Variants in C1RL observed in about 807,000 individuals in gnomAD.
C1RL encodes the protein complement C1r subcomponent like.
C1RL carries 27 observed loss-of-function variants against 27.9 expected under a neutral mutation model. That is an observed-to-expected ratio of 0.97 (90% CI 0.71 to 1.33). The LOEUF (loss-of-function observed/expected upper bound fraction) is 1.33. Among genes scored for constraint, C1RL ranks in the 40% most tolerant of loss-of-function variants. C1RL has a pLI of 0.00. For synonymous variants in C1RL, 248 were observed against 252.1 expected, an observed-to-expected ratio of 0.98 and a Z score of 0.15; for missense variants, 563 against 623.9, an observed-to-expected ratio of 0.90 and a Z score of 1.04.
Position 7,108,481 on chromosome 12 carries a change from T to C in C1RL, c.72-2A>G. 1 of 1,581,958 alleles carries C rather than the reference T, an allele frequency of 6.3e-7. No homozygotes were observed. Among genetic ancestry groups the C allele is most frequent in the South Asian group, 1.1e-5 (1 of 87,332 alleles). ...ACTCCCCAGAGAAGCAGCCACCACC[T>C]GTGAGTTGGGGGGAGGGCAAGGTGG... On this transcript the variant is annotated splice_acceptor_variant, in intron 1 of 5. Coordinates refer to ENST00000266542, the MANE Select transcript of C1RL (RefSeq NM_016546.4). LOFTEE classifies it high-confidence loss of function.
At position 7,096,159 on chromosome 12, in the gene C1RL, AG is replaced by A. The variant is rs766090315; in HGVS notation, c.*231del. ...CTAGTGCATGAGCACAGGGAGGTAG[AG>A]GGTGAGGAGGAGCGGTCTGTGGGAC... On this transcript the variant is annotated 3_prime_UTR_variant, in exon 6 of 6. Transcript: ENST00000266542. 2.6e-4 allele frequency: 350 copies of A among 1,324,898 alleles called. 4 individuals are homozygous for A. In the East Asian group the frequency reaches 8.0e-3, roughly 30 times the overall value. The allele number at this position is 1,324,898 out of a possible 1,614,324, so 82.1% of individuals were successfully genotyped here.
chr12:7,106,072 T>G (rs1938756656), intron 2 of C1RL, among the ~76,000 whole-genome samples: 1 of 152,148 alleles, frequency 6.6e-6, no homozygotes. Context: ...GGCTCTAGAT[T>G]AAAAGAAATC....
intron 2 of C1RL, among the ~76,000 whole-genome samples, chr12:7,102,649 C>A (rs1240479276): frequency 6.6e-6 from 1 of 152,198 alleles, no homozygotes; most frequent in African/African-American, 2.4e-5. Flanking sequence ...GGGTCCCTGC[C>A]TTTTCCTGCT....
rs1051317100 is a variant in C1RL, at chr12:7,097,055, C to T, written c.800G>A (p.Arg267His). ...GTCCCCCAGCAGGGCCCCGCCCCCA[C>T]GGCCGTGGATACTGGTGAAGGCTTG... ...PWQAFTSIHG[R>H]GGGALLGDRW... Residue 267 changes from arginine (R) to histidine (H), a missense_variant, in exon 6 of 6, where the codon CGT becomes CAT. Transcript: ENST00000266542. 29 of 1,614,134 alleles carry T rather than the reference C, an allele frequency of 1.8e-5. No individual in the cohort carries two copies. The highest frequency in any genetic ancestry group is 4.4e-5 in the South Asian group (4 of 91,088).
chr12:7,095,378 T>C lies in C1RL; in HGVS notation c.*1013A>G. The C allele has an allele frequency of 1.1e-5, 11 of 1,020,616 alleles. No homozygotes were observed. Among genetic ancestry groups the C allele is most frequent in the Non-Finnish European group, 1.3e-5 (11 of 847,688 alleles). The allele number at this position is 1,020,616 out of a possible 1,614,324, so 63.2% of individuals were successfully genotyped here. On this transcript the variant is annotated 3_prime_UTR_variant, in exon 6 of 6. Coordinates refer to ENST00000266542, the MANE Select transcript of C1RL (RefSeq NM_016546.4). The stretch of plus-strand genomic sequence containing the variant: ...ATCCACCCACCTCGGACTCCTAAGG[T>C]GTTGGGATTACAGGCGTGAGCCACT...
rs770724397 is a variant in C1RL, at chr12:7,096,794, T to C, written c.1061A>G (p.Asn354Ser). 2.7e-5 allele frequency: 43 copies of C among 1,605,308 alleles called. No individual in the cohort carries two copies. Among genetic ancestry groups the C allele is most frequent in the Non-Finnish European group, 3.4e-5 (40 of 1,175,234 alleles). Residue 354 changes from asparagine to serine, a missense_variant, in exon 6 of 6, where the codon AAC (asparagine) becomes AGC (serine). By Grantham distance (46) the Asn-to-Ser change is conservative. Coordinates refer to ENST00000266542, the MANE Select transcript of C1RL (RefSeq NM_016546.4). ...ATCGGGCAGACAGACCGGGAGGACG[T>C]TGGGGCCCAGGGGGATGCTGTGCTG... ...ELQHSIPLGPNVLPVCLPDNE... is the reference protein window; with the variant it reads ...ELQHSIPLGPSVLPVCLPDNE...
rs771036198 is a variant in C1RL at position 7,105,606 on chromosome 12, C to T, written c.300+2645G>A. Among the ~76,000 whole-genome samples, 65 of 152,122 alleles carry T rather than the reference C, an allele frequency of 4.3e-4. No homozygotes were observed. The Middle Eastern group carries it at 0.024, about 56-fold the overall frequency. On this transcript the variant is annotated intron_variant, in intron 2 of 5. Coordinates refer to ENST00000266542, the MANE Select transcript of C1RL (RefSeq NM_016546.4). Reference sequence around the variant, plus strand: ...TGGACAGCCAAGTATTATCAGATATCGTAGGAAAGTCTCTAACACAAAAAG... The same window carrying T: ...TGGACAGCCAAGTATTATCAGATATTGTAGGAAAGTCTCTAACACAAAAAG...
chr12:7,097,209 G>C, intron 5 of C1RL, 46 bp from the exon 6 acceptor site: 1 of 1,523,506 alleles, frequency 6.6e-7, no homozygotes, highest in Non-Finnish European at 8.9e-7. Context: ...GCTGCATCTA[G>C]ACACACTGAT....
chr12:7,109,166 T>A lies in C1RL; in HGVS notation c.15A>T (p.Arg5Ser). 1.9e-6 allele frequency: 3 copies of A among 1,601,434 alleles called. No homozygotes were observed. The highest frequency in any genetic ancestry group is 2.6e-6 in the Non-Finnish European group (3 of 1,173,474). The change falls in exon 1 of 6, where the codon AGA (arginine) becomes AGT (serine). Residue 5 changes from arginine (R) to serine (S), a missense_variant. Coordinates refer to ENST00000266542, the MANE Select transcript of C1RL (RefSeq NM_016546.4). ...TTCTCCAGAGATATTTCCCCCACAC[T>A]CTGGGTCCAGGCATCTGGAACTGGA... MPGP[R>S]VWGKYLWRSP...
At chr12:7,097,856 G>A (rs1194663473) in intron 5 of C1RL, among the ~76,000 whole-genome samples, 1 of 152,162 alleles carries the variant, frequency 6.6e-6, no homozygotes, top group Non-Finnish European at 1.5e-5. Context: ...CCTCAGTTTT[G>A]TGTCACTTCC....
At chr12:7,108,504 TG>T in intron 1 of C1RL, 25 bp from the exon 2 acceptor site, 1 of 1,548,178 alleles carries the variant, frequency 6.5e-7, no homozygotes, top group Non-Finnish European at 8.8e-7. Flanking sequence ...GAGGGCAAGG[TG>T]GGGCCGCGCA....
Position 7,104,407 on chromosome 12 carries a change from C to T in C1RL, c.301-2320G>A, listed in dbSNP as rs903145026. Among the ~76,000 whole-genome samples, 3 of 152,220 alleles carry T rather than the reference C, an allele frequency of 2.0e-5. No individual in the cohort carries two copies. The highest frequency in any genetic ancestry group is 2.0e-4 in the Admixed American group (3 of 15,284). On this transcript the variant is annotated intron_variant, in intron 2 of 5. Coordinates refer to ENST00000266542, the MANE Select transcript of C1RL (RefSeq NM_016546.4). The surrounding 1 kb of genome is among the most constrained non-coding windows in gnomAD (Gnocchi z 5.4). ...GCAGCAGGTCCATGAATAACATCGTCGTTTCATTATGACGTTGACGAGAAA... is the reference window on the plus strand; with the variant it reads ...GCAGCAGGTCCATGAATAACATCGTTGTTTCATTATGACGTTGACGAGAAA...
chr12:7,099,301 TA>T, intron 5 of C1RL: 1 of 181,168 alleles, frequency 5.5e-6, no homozygotes, highest in Non-Finnish European at 1.0e-5. Flanking sequence ...TAATTTTTTT[TA>T]AAATGGTTGA....
chr12:7,096,172 G>A lies in C1RL; in HGVS notation c.*219C>T, dbSNP rs1938418255. On this transcript the variant is annotated 3_prime_UTR_variant, in exon 6 of 6. Coordinates refer to ENST00000266542, the MANE Select transcript of C1RL (RefSeq NM_016546.4). ...ACAGGGAGGTAGAGGGTGAGGAGGA[G>A]CGGTCTGTGGGACTCTGCTTCCTGT... is the stretch of plus-strand genomic sequence containing the variant. The A allele has an allele frequency of 7.4e-7, 1 of 1,345,842 alleles. No homozygotes were observed. Among genetic ancestry groups the A allele is most frequent in the African/African-American group, 1.5e-5 (1 of 67,498 alleles). 83.4% of individuals were successfully genotyped at this position (1,345,842 alleles called of 1,614,324 possible).
At position 7,094,893 on chromosome 12, in the gene C1RL, TA is replaced by T; in HGVS notation, c.*1497del. The stretch of plus-strand genomic sequence containing the variant: ...TGCACCTGCCTTTTGGGAATATTTT[TA>T]ATAATCTTTTGTACTGTATGTGGGT... On this transcript the variant is annotated 3_prime_UTR_variant, in exon 6 of 6. Transcript: ENST00000266542. 1 of 1,007,270 alleles carries T rather than the reference TA, an allele frequency of 9.9e-7. No homozygotes were observed. The highest frequency in any genetic ancestry group is 1.2e-6 in the Non-Finnish European group (1 of 842,360). The allele number at this position is 1,007,270 out of a possible 1,614,324, so 62.4% of individuals were successfully genotyped here.
Position 7,096,280 on chromosome 12 carries a change from T to TTGCC in C1RL, c.*110_*111insGGCA. On this transcript the variant is annotated 3_prime_UTR_variant, in exon 6 of 6. Coordinates refer to ENST00000266542, the MANE Select transcript of C1RL (RefSeq NM_016546.4). ...GTGATGTGAATAGGATTTCCCTGCC[T>TTGCC]CCCCCAACCCCCCACCCCCAACCCC... The TTGCC allele has an allele frequency of 1.0e-6, 1 of 992,736 alleles. No individual in the cohort carries two copies. Among genetic ancestry groups the TTGCC allele is most frequent in the Non-Finnish European group, 1.2e-6 (1 of 832,240 alleles). 61.5% of individuals were successfully genotyped at this position (992,736 alleles called of 1,614,324 possible).
rs768571629 is a variant in C1RL at position 7,096,957 on chromosome 12, TCA to T, written c.896_897del (p.Val299GlufsTer11). ...DSVSLRKNQS[V>X]NVFLGHTAID... ...ATGGCTGTGTGGCCCAAGAACACAT[TCA>T]CACTCTGGTTCTTCCTGAGAGAAAC... On this transcript the variant is annotated frameshift_variant, in exon 6 of 6. Coordinates refer to ENST00000266542, the MANE Select transcript of C1RL (RefSeq NM_016546.4). LOFTEE classifies it low-confidence loss of function (END_TRUNC). 3 of 1,613,710 alleles carry T rather than the reference TCA, an allele frequency of 1.9e-6. No homozygotes were observed. The East Asian group carries it at 6.7e-5, about 36-fold the overall frequency.
chr12:7,103,333 G>C (rs1054704159), intron 2 of C1RL, among the ~76,000 whole-genome samples: 2 of 152,214 alleles, frequency 1.3e-5, no homozygotes, highest in Non-Finnish European at 2.9e-5. Context: ...ACACAGGACT[G>C]AGTCCTAAGA....
intron 2 of C1RL, among the ~76,000 whole-genome samples, chr12:7,106,102 C>G (rs1042788792): frequency 6.6e-6 from 1 of 151,982 alleles, no homozygotes; most frequent in Non-Finnish European, 1.5e-5. Flanking sequence ...AGTAAAAAAC[C>G]ACGTGTATCA....
Sources: gnomAD v4.1 joint callset for allele counts (sites outside exome capture counted in the v4.1 genomes callset) on GRCh38, gnomAD v4.1.1 for gene constraint, Gnocchi (gnomAD v3.1) non-coding constraint, MANE v1.5 for transcripts, NCBI Gene and HGNC (gene_info 2026-07-23, HGNC 2026-07-21) for gene names.